LRMDA: variants seen among roughly 807,000 people sequenced by gnomAD.
LRMDA encodes the protein leucine-rich melanocyte differentiation-associated protein.
A neutral mutation model predicts 29.8 loss-of-function variants in LRMDA; 18 were observed. That is an observed-to-expected ratio of 0.60 (90% CI 0.42 to 0.90). LRMDA has a LOEUF of 0.90. Ranked by LOEUF, LRMDA falls within the 40% of genes least tolerant of loss-of-function variation. LRMDA has a pLI of 0.00. For missense variants in LRMDA, 273 were observed against 273.9 expected, an observed-to-expected ratio of 1.00 and a Z score of 0.02; for synonymous variants, 125 against 109.4, an observed-to-expected ratio of 1.14 and a Z score of -0.89.
chr10:76,153,705 G>T (rs1850488292), intron 5 of LRMDA, among the ~76,000 whole-genome samples: 2 of 152,104 alleles, frequency 1.3e-5, no homozygotes, highest in African/African-American at 2.4e-5. Context: ...TCACATACTA[G>T]CCTCTTCACT....
chr10:75,689,443 C>T (rs901842484), intron 2 of LRMDA, among the ~76,000 whole-genome samples: 14 of 152,186 alleles, frequency 9.2e-5, no homozygotes, highest in Admixed American at 2.6e-4. Context: ...CTTAGTAGGG[C>T]CTGCTATTGA....
intron 5 of LRMDA, among the ~76,000 whole-genome samples, chr10:76,111,143 C>T (rs1050539963): frequency 2.6e-5 from 4 of 152,246 alleles, no homozygotes. Context: ...CCCTGGGCAG[C>T]CTTCCTCCAA....
At chr10:75,570,050 T>A (rs1840419373) in intron 2 of LRMDA, among the ~76,000 whole-genome samples, 1 of 152,168 alleles carries the variant, frequency 6.6e-6, no homozygotes, top group African/African-American at 2.4e-5. Flanking sequence ...TATATGGCCA[T>A]TTTCAGTTTA....
intron 6 of LRMDA, among the ~76,000 whole-genome samples, chr10:76,526,628 G>A (rs975693113): frequency 6.6e-5 from 10 of 151,876 alleles, no homozygotes; most frequent in South Asian, 2.1e-4. Flanking sequence ...AAGATAAATC[G>A]CATTTTTTGT....
chr10:75,525,339 G>A lies in LRMDA; in HGVS notation c.131+86845G>A, dbSNP rs776500545. ...GAGTACCTTTTGTGTGGAAGTTTGG[G>A]CAGGGATGTGAGCCCAGGTCTGCCT... is the stretch of plus-strand genomic sequence containing the variant. On this transcript the variant is annotated intron_variant, in intron 2 of 6. Transcript: ENST00000611255. Among the ~76,000 whole-genome samples the A allele has an allele frequency of 4.6e-5, 7 of 152,192 alleles. No individual in the cohort carries two copies. The South Asian group carries it at 1.4e-3, about 32-fold the overall frequency.
At chr10:75,730,710 G>A (rs2132198142) in intron 2 of LRMDA, among the ~76,000 whole-genome samples, 1 of 152,254 alleles carries the variant, frequency 6.6e-6, no homozygotes, top group Middle Eastern at 3.4e-3. Flanking sequence ...ATTGCAAATT[G>A]ATTGTCTGAT....
At chr10:75,815,696 G>A (rs929838300) in intron 2 of LRMDA, among the ~76,000 whole-genome samples, 3 of 152,308 alleles carry the variant, frequency 2.0e-5, no homozygotes, top group African/African-American at 7.2e-5. Flanking sequence ...CACTGGACAT[G>A]TAGAATGAGA....
At chr10:76,344,929 C>T (rs1256609290) in intron 6 of LRMDA, among the ~76,000 whole-genome samples, 4 of 147,444 alleles carry the variant, frequency 2.7e-5, no homozygotes, top group Non-Finnish European at 6.0e-5. Flanking sequence ...CATACAAGTA[C>T]TGAAAAAAAA....
chr10:76,194,052 T>C (rs531532045), intron 5 of LRMDA, among the ~76,000 whole-genome samples: 3 of 152,318 alleles, frequency 2.0e-5, no homozygotes, highest in Admixed American at 6.5e-5. Flanking sequence ...GGACAGGATA[T>C]AGCAGAAAAT....
At chr10:76,477,574 A>G (rs1196384746) in intron 6 of LRMDA, among the ~76,000 whole-genome samples, 1 of 152,188 alleles carries the variant, frequency 6.6e-6, no homozygotes, top group Non-Finnish European at 1.5e-5. Context: ...ATGGAACCGA[A>G]AAAGAGCCCG....
chr10:76,220,630 T>A (rs1299348902), intron 5 of LRMDA, among the ~76,000 whole-genome samples: 4 of 152,146 alleles, frequency 2.6e-5, no homozygotes, highest in African/African-American at 9.7e-5. Flanking sequence ...CAATAATCAA[T>A]AACTTACCAA....
intron 2 of LRMDA, among the ~76,000 whole-genome samples, chr10:75,632,157 C>CTA (rs1229290790): frequency 2.6e-5 from 4 of 152,154 alleles, no homozygotes; most frequent in Admixed American, 2.0e-4. Flanking sequence ...CTTGGTTACT[C>CTA]TAGTGCCTTT....
intron 2 of LRMDA, among the ~76,000 whole-genome samples, chr10:75,992,063 C>A (rs965019583): frequency 2.0e-5 from 3 of 152,190 alleles, no homozygotes; most frequent in African/African-American, 7.2e-5. Context: ...CTATACCATG[C>A]CTTTGATGCT....
intron 2 of LRMDA, among the ~76,000 whole-genome samples, chr10:75,988,793 C>T (rs1847307046): frequency 6.6e-6 from 1 of 152,184 alleles, no homozygotes; most frequent in African/African-American, 2.4e-5. Flanking sequence ...CCTCAAGCCT[C>T]CTCCCTGGCC....
chr10:76,229,163 C>G (rs140796476), intron 5 of LRMDA, among the ~76,000 whole-genome samples: 1 of 152,106 alleles, frequency 6.6e-6, no homozygotes, highest in East Asian at 1.9e-4. Flanking sequence ...CTTTGTTGGG[C>G]GAGAACGTCT....
chr10:76,372,384 G>T (rs1271247180), intron 6 of LRMDA, among the ~76,000 whole-genome samples: 1 of 152,056 alleles, frequency 6.6e-6, no homozygotes, highest in Non-Finnish European at 1.5e-5. Flanking sequence ...AGGCTGAGCG[G>T]GGCAGATCAT....
chr10:76,519,688 T>C, intron 6 of LRMDA, among the ~76,000 whole-genome samples: 1 of 152,140 alleles, frequency 6.6e-6, no homozygotes, highest in East Asian at 1.9e-4. Flanking sequence ...ATCACAAACA[T>C]TACGTACTAC....
intron 6 of LRMDA, among the ~76,000 whole-genome samples, chr10:76,503,294 A>G (rs1206294301): frequency 6.6e-6 from 1 of 151,594 alleles, no homozygotes; most frequent in Non-Finnish European, 1.5e-5. Context: ...ACCAAGATCA[A>G]GTAGAATTTA....
intron 2 of LRMDA, among the ~76,000 whole-genome samples, chr10:75,509,012 C>A (rs66886427): frequency 0.24 from 36,370 of 152,170 alleles, 4,499 homozygotes; most frequent in Non-Finnish European, 0.26. Flanking sequence ...ATATTAAAGG[C>A]AGGCTTCTGG....
Sources: allele counts gnomAD v4.1 joint callset (sites outside exome capture counted in the v4.1 genomes callset), GRCh38; gene constraint gnomAD v4.1.1; transcripts MANE v1.5; gene names NCBI Gene and HGNC (gene_info 2026-07-23, HGNC 2026-07-21).